CYBB: variants seen among roughly 807,000 people sequenced by gnomAD.
The protein encoded by CYBB is cytochrome b-245 beta chain, also known as NADPH oxidase 2.
Under a neutral mutation model 46.5 loss-of-function variants are expected in CYBB, and 5 were observed. The observed-to-expected ratio is 0.11, with a 90% confidence interval of 0.06 to 0.23. The LOEUF (loss-of-function observed/expected upper bound fraction) is 0.23. CYBB is among the 10% of genes least tolerant of loss of function. The pLI is 1.00. For synonymous variants in CYBB, 183 were observed against 156.7 expected, an observed-to-expected ratio of 1.17 and a Z score of -1.26; for missense variants, 307 against 428.3, an observed-to-expected ratio of 0.72 and a Z score of 2.50.
intron 5 of CYBB, 21 bp from the exon 6 acceptor site, chrX:37,795,929 TG>T: frequency 9.7e-7 from 1 of 1,034,512 alleles, no homozygotes. Flanking sequence ...TGTGTGTGTG[TG>T]TGTGTGTTTA....
At chrX:37,808,949 T>G (rs1441559175) in intron 11 of CYBB, among the ~76,000 whole-genome samples, 1 of 112,184 alleles carries the variant, frequency 8.9e-6, no homozygotes, top group Non-Finnish European at 1.9e-5. Context: ...AAAAATAAAT[T>G]TAATTAACCA....
Position 37,804,069 on chromosome X carries a change from G to C in CYBB, c.1090G>C (p.Gly364Arg), listed in dbSNP as rs141756032. 5.0e-3 allele frequency: 6,002 copies of C among 1,208,693 alleles called. 16 individuals are homozygous for C. Among genetic ancestry groups the C allele is most frequent in the Non-Finnish European group, 5.9e-3 (5,261 of 894,472 alleles). Residue 364 changes from glycine (G) to arginine (R), a missense_variant, in exon 9 of 13, where the codon GGG (glycine) becomes CGG (arginine). By Grantham distance (125) the Gly-to-Arg change is moderately radical. Coordinates refer to ENST00000378588, the MANE Select transcript of CYBB (RefSeq NM_000397.4). ...HIRIVGDWTE[G>R]LFNACGCDKQ... ...CCGCATCGTTGGGGACTGGACAGAG[G>C]GGCTGTTCAATGCTTGTGGCTGTGA...
intron 3 of CYBB, among the ~76,000 whole-genome samples, chrX:37,787,064 G>A (rs1929086483): frequency 8.9e-6 from 1 of 111,890 alleles, no homozygotes; most frequent in Non-Finnish European, 1.9e-5. Context: ...GGGGACATGT[G>A]GTAAGTAAAG....
chrX:37,798,029 C>G (rs1350088509), intron 6 of CYBB, among the ~76,000 whole-genome samples: 1 of 111,971 alleles, frequency 8.9e-6, no homozygotes, highest in Non-Finnish European at 1.9e-5. Flanking sequence ...CATGATAATT[C>G]TCTTCCCCAA....
At position 37,812,903 on chromosome X, in the gene CYBB, G is replaced by T. The variant is rs1929703807; in HGVS notation, c.*1986G>T. The T allele has an allele frequency of 8.9e-6, 1 of 112,051 alleles. No homozygotes were observed. The highest frequency in any genetic ancestry group is 1.9e-5 in the Non-Finnish European group (1 of 53,176). The allele number at this position is 112,051 out of a possible 1,213,427, so 9.2% of individuals were successfully genotyped here. ...TACTATGAGTCAGGCTCTGTTTATT[G>T]TTTCAATTCTTTACACCAAAGTATG... On this transcript the variant is annotated 3_prime_UTR_variant, in exon 13 of 13. Transcript: ENST00000378588.
At chrX:37,792,169 T>C in intron 4 of CYBB, 110 bp downstream of exon 4, 2 of 533,600 alleles carry the variant, frequency 3.7e-6, no homozygotes, top group East Asian at 3.6e-5. Context: ...TGGTTGGATA[T>C]GTTGTATTTT....
intron 9 of CYBB, among the ~76,000 whole-genome samples, 194 bp from the exon 10 acceptor site, chrX:37,804,810 TTC>T (rs781792708): frequency 1.8e-5 from 2 of 111,984 alleles, no homozygotes; most frequent in South Asian, 3.7e-4. Flanking sequence ...AGCCAAATAT[TTC>T]TCTTTTTACT....
At chrX:37,809,201 A>T (rs1444932782) in intron 11 of CYBB, among the ~76,000 whole-genome samples, 2 of 112,136 alleles carry the variant, frequency 1.8e-5, no homozygotes, top group Non-Finnish European at 3.8e-5. Flanking sequence ...AAAGTCAAAC[A>T]TAGAGCAGAG....
rs956951575 is a variant in CYBB, at chrX:37,806,254, C to T, written c.1315-133C>T. ...AACTACCCTGTGAAATGTCCAGAGC[C>T]TTCTGAAAATCTATGTTTCTAGGCA... On this transcript the variant is annotated intron_variant, in intron 10 of 12. Transcript: ENST00000378588. The T allele has an allele frequency of 1.6e-5, 11 of 690,372 alleles. No homozygotes were observed. The Admixed American group carries it at 2.5e-4, about 16-fold the overall frequency. 56.9% of individuals were successfully genotyped at this position (690,372 alleles called of 1,213,427 possible).
intron 3 of CYBB, among the ~76,000 whole-genome samples, chrX:37,789,467 G>T (rs1929143775): frequency 3.2e-5 from 3 of 93,176 alleles, no homozygotes; most frequent in East Asian, 3.1e-4. Context: ...GCCAAAGAAA[G>T]AAAGAAGGAA....
chrX:37,809,359 G>A (rs1262878026), intron 11 of CYBB, among the ~76,000 whole-genome samples: 1 of 111,516 alleles, frequency 9.0e-6, no homozygotes, highest in Non-Finnish European at 1.9e-5. Flanking sequence ...TACCCTGTTC[G>A]ACATATGGGA....
At chrX:37,784,625 GA>G (rs34485629) in intron 3 of CYBB, among the ~76,000 whole-genome samples, 34,604 of 110,355 alleles carry the variant, frequency 0.31, 6,204 homozygotes, top group African/African-American at 0.7. Context: ...GGGTAGCTGG[GA>G]AAAAAGTAGG....
At chrX:37,806,896 C>CTGTG (rs72172606) in intron 11 of CYBB, among the ~76,000 whole-genome samples, 286 of 106,382 alleles carry the variant, frequency 2.7e-3, no homozygotes, top group African/African-American at 4.5e-3. Context: ...CTCTCTGTCT[C>CTGTG]TGTGTGTGTG....
intron 3 of CYBB, among the ~76,000 whole-genome samples, chrX:37,785,909 C>G (rs1023885619): frequency 9.0e-6 from 1 of 111,336 alleles, no homozygotes; most frequent in Non-Finnish European, 1.9e-5. Context: ...TGTTGTAATG[C>G]CAGCTTTTAT....
rs1432691379 is a variant in CYBB at position 37,780,192 on chromosome X, C to A, written c.45+70C>A. 2.4e-5 allele frequency: 22 copies of A among 915,518 alleles called. No individual in the cohort carries two copies. In the Admixed American group the frequency reaches 4.8e-4, roughly 20 times the overall value. 75.4% of individuals were successfully genotyped at this position (915,518 alleles called of 1,213,427 possible). On this transcript the variant is annotated intron_variant, in intron 1 of 12. Coordinates refer to ENST00000378588, the MANE Select transcript of CYBB (RefSeq NM_000397.4). ...GGGTTATCTTGGAACTAAAATAGAC[C>A]AAAGCTTTTTTGTTCATTTGAGGAA... is the stretch of plus-strand genomic sequence containing the variant.
At chrX:37,800,751 T>A (rs1929418961) in intron 7 of CYBB, among the ~76,000 whole-genome samples, 1 of 112,086 alleles carries the variant, frequency 8.9e-6, no homozygotes, top group Non-Finnish European at 1.9e-5. Context: ...GTGCATTGCA[T>A]ACTCCCAGAA....
chrX:37,792,303 C>T (rs1470106065), intron 4 of CYBB, among the ~76,000 whole-genome samples: 1 of 111,184 alleles, frequency 9.0e-6, no homozygotes, highest in Non-Finnish European at 1.9e-5. Context: ...AATATGCCAT[C>T]AGAAAAGTCA....
In CYBB at chrX:37,804,157, G is replaced by A. The variant is rs782449194; in HGVS notation, c.1151+27G>A. ...TGAGTAAAAAGTACATATTACCAAC[G>A]TATATGAGTTCAGGAAAAATGGCAC... On this transcript the variant is annotated intron_variant, in intron 9 of 12. Coordinates refer to ENST00000378588, the MANE Select transcript of CYBB (RefSeq NM_000397.4). 30 of 1,200,771 alleles carry A rather than the reference G, an allele frequency of 2.5e-5. No individual in the cohort carries two copies. The Middle Eastern group carries it at 9.3e-4, about 37-fold the overall frequency.
chrX:37,800,689 A>AAGAAAT (rs1490291391), intron 7 of CYBB, among the ~76,000 whole-genome samples: 1 of 111,354 alleles, frequency 9.0e-6, no homozygotes, highest in Non-Finnish European at 1.9e-5. Flanking sequence ...GTTCTGACCC[A>AAGAAAT]AGAAATAGCT....
Sources: gnomAD v4.1 joint callset for allele counts (sites outside exome capture counted in the v4.1 genomes callset) on GRCh38, gnomAD v4.1.1 for gene constraint, MANE v1.5 for transcripts, NCBI Gene and HGNC (gene_info 2026-07-23, HGNC 2026-07-21) for gene names.